MACROD2: variants seen among roughly 807,000 people sequenced by gnomAD.
MACROD2 encodes the protein mono-ADP ribosylhydrolase 2.
In MACROD2, 36 loss-of-function variants were observed where a neutral mutation model predicts 70.4. The ratio of observed to expected loss-of-function variants is 0.51; its 90% CI spans 0.39 to 0.68. The LOEUF (loss-of-function observed/expected upper bound fraction) is 0.68. Ranked by LOEUF, MACROD2 falls within the 30% of genes least tolerant of loss-of-function variation. MACROD2 has a pLI of 0.00. For synonymous variants in MACROD2, 172 were observed against 178.8 expected, an observed-to-expected ratio of 0.96 and a Z score of 0.30; for missense variants, 496 against 538.4, an observed-to-expected ratio of 0.92 and a Z score of 0.78.
intron 4 of MACROD2, among the ~76,000 whole-genome samples, chr20:14,557,155 G>T (rs1979088323): frequency 6.6e-6 from 1 of 151,922 alleles, no homozygotes; most frequent in Non-Finnish European, 1.5e-5. Flanking sequence ...ATGGTACTGG[G>T]TTAACTGGAT....
intron 8 of MACROD2, among the ~76,000 whole-genome samples, chr20:15,777,234 A>G (rs1263388948): frequency 3.9e-5 from 6 of 152,106 alleles, no homozygotes; most frequent in African/African-American, 1.4e-4. Flanking sequence ...TGTATGCTGT[A>G]TATATTTACA....
At chr20:14,519,764 A>C (rs139643180) in intron 4 of MACROD2, among the ~76,000 whole-genome samples, 1 of 152,328 alleles carries the variant, frequency 6.6e-6, no homozygotes, top group East Asian at 1.9e-4. Flanking sequence ...ACACATGCAT[A>C]TGTATGTTAA....
At chr20:15,937,026 C>T (rs997375857) in intron 11 of MACROD2, among the ~76,000 whole-genome samples, 4 of 152,148 alleles carry the variant, frequency 2.6e-5, no homozygotes, top group Admixed American at 2.6e-4. Context: ...AGAGCTGCTC[C>T]CTGCAGTTTG....
chr20:15,471,871 T>G (rs77360244), intron 7 of MACROD2, among the ~76,000 whole-genome samples: 8,129 of 152,134 alleles, frequency 0.053, 739 homozygotes, highest in African/African-American at 0.18. Flanking sequence ...TCACTTTTCA[T>G]TCCCCCTTCC....
chr20:15,663,805 T>G (rs2049857804), intron 8 of MACROD2, among the ~76,000 whole-genome samples: 1 of 152,206 alleles, frequency 6.6e-6, no homozygotes, highest in African/African-American at 2.4e-5. Context: ...CTCTGAATGC[T>G]AATACCAATG....
chr20:14,727,695 T>C (rs544922517), intron 5 of MACROD2, among the ~76,000 whole-genome samples: 4 of 152,214 alleles, frequency 2.6e-5, no homozygotes, highest in Non-Finnish European at 4.4e-5. Flanking sequence ...ATATGTTACG[T>C]CATTTGATCT....
In MACROD2 at chr20:14,002,420, C is replaced by A. The variant is rs1423099988; in HGVS notation, c.163+16C>A. 10 of 1,504,318 alleles carry A rather than the reference C, an allele frequency of 6.6e-6. No individual in the cohort carries two copies. The highest frequency in any genetic ancestry group is 9.1e-6 in the Non-Finnish European group (10 of 1,098,434). 93.2% of individuals were successfully genotyped at this position (1,504,318 alleles called of 1,614,324 possible). A position where few individuals can be genotyped will look rare whatever the true frequency, so the allele number is the denominator to read the frequency against. On this transcript the variant is annotated intron_variant, in intron 2 of 17. Transcript: ENST00000684519. ...CAAAATGATGGTAAGTTTCTCGGAA[C>A]ATTTTTTAGGTAGATATTTTTCCCA... is the stretch of plus-strand genomic sequence containing the variant.
At chr20:14,452,601 T>G (rs2122989884) in intron 3 of MACROD2, among the ~76,000 whole-genome samples, 1 of 152,258 alleles carries the variant, frequency 6.6e-6, no homozygotes, top group South Asian at 2.1e-4. Context: ...TTTGATGAAG[T>G]CGGGTCTGAG....
intron 4 of MACROD2, among the ~76,000 whole-genome samples, chr20:14,560,332 C>CACAA (rs1352094129): frequency 2.6e-5 from 4 of 151,496 alleles, no homozygotes; most frequent in Non-Finnish European, 4.4e-5. Flanking sequence ...CACACACACA[C>CACAA]ACACACAGGT....
intron 10 of MACROD2, among the ~76,000 whole-genome samples, chr20:15,927,304 G>T (rs73900804): frequency 6.6e-6 from 1 of 152,124 alleles, no homozygotes; most frequent in African/African-American, 2.4e-5. Context: ...ACTGTGCTGG[G>T]TGCCAAGGAC....
intron 6 of MACROD2, among the ~76,000 whole-genome samples, chr20:15,268,299 T>A (rs1322387450): frequency 6.6e-6 from 1 of 152,218 alleles, no homozygotes; most frequent in Non-Finnish European, 1.5e-5. Flanking sequence ...TATGATCTTG[T>A]TGATACCCAA....
At chr20:14,028,318 C>A (rs1262389492) in intron 2 of MACROD2, among the ~76,000 whole-genome samples, 1 of 147,786 alleles carries the variant, frequency 6.8e-6, no homozygotes, top group African/African-American at 2.5e-5. Context: ...GCTGTGCTGG[C>A]AGCAAGAATT....
In MACROD2 at chr20:14,545,942, G is replaced by A. The variant is rs150358476; in HGVS notation, c.301+52434G>A. Among the ~76,000 whole-genome samples, 72 of 152,168 alleles carry A rather than the reference G, an allele frequency of 4.7e-4. 2 individuals are homozygous for A. Among genetic ancestry groups the A allele is most frequent in the African/African-American group, 1.6e-3 (67 of 41,514 alleles). ...ATGTTCTAGACACTTAACAAAGATGGGATTGCATTGACTGGCCGCTTGTAG... is the reference window on the plus strand; with the variant it reads ...ATGTTCTAGACACTTAACAAAGATGAGATTGCATTGACTGGCCGCTTGTAG... On this transcript the variant is annotated intron_variant, in intron 4 of 17. Transcript: ENST00000684519.
chr20:15,825,368 G>A (rs1425642868), intron 8 of MACROD2, among the ~76,000 whole-genome samples: 1 of 152,174 alleles, frequency 6.6e-6, no homozygotes, highest in Non-Finnish European at 1.5e-5. Context: ...GCCACACATA[G>A]ATGCTCTGGT....
intron 8 of MACROD2, among the ~76,000 whole-genome samples, chr20:15,539,690 A>G (rs2047928026): frequency 6.6e-6 from 1 of 152,184 alleles, no homozygotes. Flanking sequence ...GTAAATAACT[A>G]CTTAGAAGGT....
chr20:14,855,341 A>T (rs903856933), intron 5 of MACROD2, among the ~76,000 whole-genome samples: 7 of 152,094 alleles, frequency 4.6e-5, no homozygotes, highest in African/African-American at 7.2e-5. Flanking sequence ...TTTGCTAATT[A>T]AAAAAATATG....
At chr20:15,308,238 T>C (rs976288506) in intron 6 of MACROD2, among the ~76,000 whole-genome samples, 1 of 152,202 alleles carries the variant, frequency 6.6e-6, no homozygotes, top group African/African-American at 2.4e-5. Flanking sequence ...CCAATAGTTT[T>C]AGCAACAATT....
intron 5 of MACROD2, among the ~76,000 whole-genome samples, chr20:15,048,815 T>G (rs1392123908): frequency 6.6e-6 from 1 of 152,148 alleles, no homozygotes; most frequent in Non-Finnish European, 1.5e-5. Flanking sequence ...ACATTCTCAA[T>G]TATAGATGTG....
chr20:16,010,099 A>G lies in MACROD2; in HGVS notation c.1153+22941A>G, dbSNP rs59485686. 4.3e-3 allele frequency among the ~76,000 whole-genome samples: 657 copies of G among 152,318 alleles called. 20 individuals are homozygous for G. The East Asian group carries it at 0.073, about 17-fold the overall frequency. On this transcript the variant is annotated intron_variant, in intron 15 of 17. Coordinates refer to ENST00000684519, the MANE Select transcript of MACROD2 (RefSeq NM_001351661.2). ...CAGGGTGAGGGTCTTGCTTCATATA[A>G]GCTTCATTATAATTAAAGTCTTAAT...
Sources: gnomAD v4.1 joint callset for allele counts (sites outside exome capture counted in the v4.1 genomes callset) on GRCh38, gnomAD v4.1.1 for gene constraint, MANE v1.5 for transcripts, NCBI Gene and HGNC (gene_info 2026-07-23, HGNC 2026-07-21) for gene names.